NCALD: variants seen among roughly 807,000 people sequenced by gnomAD.
NCALD encodes neurocalcin delta.
NCALD carries 10 observed loss-of-function variants against 18.6 expected under a neutral mutation model. The observed-to-expected ratio is 0.54, with a 90% CI of 0.33 to 0.91. NCALD has a LOEUF of 0.91. Among genes scored for constraint, NCALD ranks in the 40% least tolerant of loss-of-function variants. The pLI is 0.03. For synonymous variants in NCALD, 88 were observed against 87.4 expected (o/e 1.01, Z -0.04); for missense variants, 184 against 247.6 (o/e 0.74, Z 1.72).
chr8:101,903,484 C>T (rs147643494), intron 3 of NCALD, among the ~76,000 whole-genome samples: 1 of 152,274 alleles, frequency 6.6e-6, no homozygotes, highest in African/African-American at 2.4e-5. Flanking sequence ...GCTTGAGCCA[C>T]CACACCCAGG....
chr8:101,707,449 C>A (rs770078865), intron 2 of NCALD, among the ~76,000 whole-genome samples: 3 of 152,186 alleles, frequency 2.0e-5, no homozygotes, highest in Non-Finnish European at 2.9e-5. Flanking sequence ...TCCCCATCCT[C>A]ATCTGGCTGC....
chr8:101,732,393 G>A (rs565216326), intron 1 of NCALD, among the ~76,000 whole-genome samples: 265 of 151,900 alleles, frequency 1.7e-3, no homozygotes, highest in Non-Finnish European at 3.2e-3. Context: ...AAATTCATTC[G>A]GTAAATTGAC....
intron 1 of NCALD, among the ~76,000 whole-genome samples, chr8:102,076,591 G>A (rs970236310): frequency 1.3e-5 from 2 of 152,092 alleles, no homozygotes; most frequent in East Asian, 1.9e-4. Context: ...TGACTCTCCA[G>A]AGAGAATGCA....
chr8:102,023,264 GC>G (rs1344247692), intron 1 of NCALD, among the ~76,000 whole-genome samples: 1 of 152,178 alleles, frequency 6.6e-6, no homozygotes, highest in Non-Finnish European at 1.5e-5. Context: ...TTATACTGAA[GC>G]CCAACTAGGC....
chr8:101,876,570 A>T (rs1816236277), intron 4 of NCALD, among the ~76,000 whole-genome samples: 1 of 152,214 alleles, frequency 6.6e-6, no homozygotes, highest in Admixed American at 6.5e-5. Context: ...TATTGAGCCA[A>T]TGCCAGCTTT....
intron 1 of NCALD, among the ~76,000 whole-genome samples, chr8:101,758,739 AG>A (rs1160303533): frequency 6.6e-6 from 1 of 152,218 alleles, no homozygotes; most frequent in East Asian, 1.9e-4. Flanking sequence ...GTTCCCTCAC[AG>A]GATTATGAAC....
intron 2 of NCALD, among the ~76,000 whole-genome samples, chr8:101,947,020 C>A (rs1441350953): frequency 6.6e-6 from 1 of 152,086 alleles, no homozygotes; most frequent in Non-Finnish European, 1.5e-5. Flanking sequence ...AAGAGCAGAG[C>A]TTTCAATGGA....
At chr8:101,940,205 A>T (rs980205980) in intron 2 of NCALD, among the ~76,000 whole-genome samples, 2 of 152,204 alleles carry the variant, frequency 1.3e-5, no homozygotes, top group Non-Finnish European at 2.9e-5. Context: ...ATGAATCTCA[A>T]ATACTTTTAG....
chr8:101,985,191 C>T (rs936904728), intron 2 of NCALD, among the ~76,000 whole-genome samples: 5 of 152,194 alleles, frequency 3.3e-5, no homozygotes, highest in Non-Finnish European at 7.3e-5. Context: ...GGACAGAAGA[C>T]AGGGCTCCCC....
At chr8:101,957,313 T>G (rs1044163611) in intron 2 of NCALD, among the ~76,000 whole-genome samples, 4 of 146,328 alleles carry the variant, frequency 2.7e-5, no homozygotes, top group Non-Finnish European at 6.0e-5. Flanking sequence ...TTTTTTTTTT[T>G]TAGCACAAAG....
chr8:102,046,332 T>C (rs1350106084), intron 1 of NCALD, among the ~76,000 whole-genome samples: 2 of 152,212 alleles, frequency 1.3e-5, no homozygotes, highest in African/African-American at 4.8e-5. Flanking sequence ...CAGACATTCA[T>C]GCTCATGTAT....
At chr8:102,056,299 C>A (rs1216937793) in intron 1 of NCALD, among the ~76,000 whole-genome samples, 2 of 152,140 alleles carry the variant, frequency 1.3e-5, no homozygotes, top group East Asian at 3.9e-4. Context: ...TAGGGAGAAG[C>A]AAACTCGAGT....
chr8:101,736,394 GACAGGAAAGGA>G (rs1168034887), intron 1 of NCALD, among the ~76,000 whole-genome samples: 1 of 152,174 alleles, frequency 6.6e-6, no homozygotes, highest in Non-Finnish European at 1.5e-5. Context: ...ACACTGCAGG[GACAGGAAAGGA>G]ACAGAATTCC....
intron 4 of NCALD, among the ~76,000 whole-genome samples, chr8:101,880,616 A>G (rs1816453669): frequency 6.6e-6 from 1 of 152,258 alleles, no homozygotes; most frequent in South Asian, 2.1e-4. Context: ...GATGAATTGG[A>G]AAGTTTTTCA....
At chr8:101,939,828 C>T (rs1415561273) in intron 2 of NCALD, among the ~76,000 whole-genome samples, 1 of 152,172 alleles carries the variant, frequency 6.6e-6, no homozygotes, top group Non-Finnish European at 1.5e-5. Flanking sequence ...ATCCTCCCAA[C>T]AATTCCATGA....
intron 1 of NCALD, among the ~76,000 whole-genome samples, chr8:102,093,850 T>A (rs2132385084): frequency 6.6e-6 from 1 of 152,230 alleles, no homozygotes; most frequent in South Asian, 2.1e-4. Flanking sequence ...CAAACACAAT[T>A]CCTAACTGAT....
intron 1 of NCALD, among the ~76,000 whole-genome samples, chr8:102,034,432 T>C (rs562266836): frequency 1.8e-4 from 28 of 152,264 alleles, no homozygotes; most frequent in African/African-American, 6.5e-4. Context: ...AGTTTATATA[T>C]GGGTGGAGGG....
intron 1 of NCALD, among the ~76,000 whole-genome samples, chr8:102,114,204 G>A (rs549809148): frequency 1.4e-4 from 21 of 152,286 alleles, no homozygotes; most frequent in Non-Finnish European, 2.5e-4. Context: ...TCAAACATAC[G>A]TTCTCCACCA....
chr8:101,979,056 C>G (rs1052790700), intron 2 of NCALD, among the ~76,000 whole-genome samples: 1 of 152,008 alleles, frequency 6.6e-6, no homozygotes, highest in African/African-American at 2.4e-5. Flanking sequence ...CAGATCAGCC[C>G]ACATACAAAC....
Sources: allele counts gnomAD v4.1 joint callset (sites outside exome capture counted in the v4.1 genomes callset), GRCh38; gene constraint gnomAD v4.1.1; transcripts MANE v1.5; gene names NCBI Gene and HGNC (gene_info 2026-07-23, HGNC 2026-07-21).